MAP3K5: variants seen among roughly 807,000 people sequenced by gnomAD.
MAP3K5 encodes the protein mitogen-activated protein kinase kinase kinase 5.
A neutral mutation model predicts 158.7 loss-of-function variants in MAP3K5; 56 were observed. That is an observed-to-expected ratio of 0.35 (90% CI 0.28 to 0.44). The LOEUF (loss-of-function observed/expected upper bound fraction) is 0.44. Ranked by LOEUF, MAP3K5 falls within the 20% of genes least tolerant of loss-of-function variation. The pLI is 1.00. For synonymous variants in MAP3K5, 579 were observed against 601.7 expected, an observed-to-expected ratio of 0.96 and a Z score of 0.55; for missense variants, 1,294 against 1,674.8, an observed-to-expected ratio of 0.77 and a Z score of 3.97.
intron 23 of MAP3K5, among the ~76,000 whole-genome samples, chr6:136,589,262 G>A (rs1453772967): frequency 6.6e-6 from 1 of 152,142 alleles, no homozygotes; most frequent in African/African-American, 2.4e-5. Context: ...ATTTCCTCAG[G>A]ACACAGGGAG....
chr6:136,609,739 G>A lies in MAP3K5; in HGVS notation c.2521+1543C>T, dbSNP rs1221754927. ...AGCCCGGGGTAGGGGAGGTCACAGT[G>A]AGCAGAGATTACACCACTGTACTTC... is the stretch of plus-strand genomic sequence containing the variant. On this transcript the variant is annotated intron_variant, in intron 18 of 29. Coordinates refer to ENST00000359015, the MANE Select transcript of MAP3K5 (RefSeq NM_005923.4). The surrounding 1 kb of genome is among the most constrained non-coding windows in gnomAD (Gnocchi z 4.4). Among the ~76,000 whole-genome samples, 1 of 151,730 alleles carries A rather than the reference G, an allele frequency of 6.6e-6. No individual in the cohort carries two copies. The highest frequency in any genetic ancestry group is 1.5e-5 in the Non-Finnish European group (1 of 67,966).
intron 10 of MAP3K5, among the ~76,000 whole-genome samples, chr6:136,652,621 C>A (rs1778569435): frequency 6.6e-6 from 1 of 152,158 alleles, no homozygotes; most frequent in African/African-American, 2.4e-5. Flanking sequence ...TCTTCATTGA[C>A]AAGTGAGAAT....
At chr6:136,684,539 C>T (rs1311455297) in intron 7 of MAP3K5, among the ~76,000 whole-genome samples, 2 of 152,176 alleles carry the variant, frequency 1.3e-5, no homozygotes, top group Non-Finnish European at 2.9e-5. Context: ...TTGTCCCTAA[C>T]ACTTCCTTGG....
At chr6:136,596,670 T>C (rs1363505878) in intron 21 of MAP3K5, among the ~76,000 whole-genome samples, 1 of 152,116 alleles carries the variant, frequency 6.6e-6, no homozygotes, top group Non-Finnish European at 1.5e-5. Context: ...TGGCCTTCTG[T>C]AGGAAAATGG....
intron 1 of MAP3K5, among the ~76,000 whole-genome samples, chr6:136,737,570 C>T (rs1382274893): frequency 2.0e-5 from 3 of 152,208 alleles, no homozygotes; most frequent in East Asian, 1.9e-4. Context: ...AGCCCTTTGA[C>T]GGCTTCTTAT....
At chr6:136,689,508 T>C (rs563031589) in intron 7 of MAP3K5, among the ~76,000 whole-genome samples, 1 of 152,264 alleles carries the variant, frequency 6.6e-6, no homozygotes, top group African/African-American at 2.4e-5. Flanking sequence ...CCCAAAAGCA[T>C]GTATTGGAAG....
intron 7 of MAP3K5, among the ~76,000 whole-genome samples, chr6:136,674,387 AT>A (rs2114554735): frequency 6.6e-6 from 1 of 152,154 alleles, no homozygotes; most frequent in South Asian, 2.1e-4. Flanking sequence ...AAAATACAAA[AT>A]GTAAGGTAGA....
chr6:136,792,590 C>A (rs1345212635), upstream of MAP3K5: 1 of 165,060 alleles, frequency 6.1e-6, no homozygotes, highest in Non-Finnish European at 1.2e-5. This position sits in a 1 kb window ranked among gnomAD's most constrained non-coding sequence, Gnocchi z 5.7. Context: ...GTCCCGGCCG[C>A]TCTGGGAGGG....
chr6:136,743,278 G>A (rs369116260), intron 1 of MAP3K5, among the ~76,000 whole-genome samples: 1 of 151,998 alleles, frequency 6.6e-6, no homozygotes, highest in South Asian at 2.1e-4. Context: ...GTGAAACCCC[G>A]TGTCTACTAA....
At chr6:136,612,339 A>T (rs1776380820) in intron 17 of MAP3K5, among the ~76,000 whole-genome samples, 1 of 152,248 alleles carries the variant, frequency 6.6e-6, no homozygotes, top group African/African-American at 2.4e-5. Flanking sequence ...TGCTACTCAG[A>T]TCACAAGATC....
At chr6:136,601,196 G>A (rs1031384978) in intron 20 of MAP3K5, among the ~76,000 whole-genome samples, 154 bp from the exon 21 acceptor site, 3 of 150,820 alleles carry the variant, frequency 2.0e-5, no homozygotes, top group Non-Finnish European at 1.5e-5. Flanking sequence ...ATCAAAAAAC[G>A]CCAAGAACAA....
intron 1 of MAP3K5, among the ~76,000 whole-genome samples, chr6:136,753,128 T>C (rs1310108368): frequency 6.6e-6 from 1 of 152,256 alleles, no homozygotes; most frequent in African/African-American, 2.4e-5. Context: ...GCCTGTTTAT[T>C]GGGTGACATT....
At position 136,694,288 on chromosome 6, in the gene MAP3K5, C is replaced by G. The variant is rs750807682; in HGVS notation, c.1105G>C (p.Ala369Pro). Residue 369 changes from alanine (A) to proline (P), a missense_variant, in exon 7 of 30, where the codon GCA becomes CCA. Physicochemically the swap from Ala to Pro is conservative, Grantham distance 27 (BLOSUM62 -1). This residue lies in a region of MAP3K5 where 690 missense variants were observed against 870.5 expected (regional missense o/e 0.79). Transcript: ENST00000359015. ...GGAATCATAATATCAAGAGCTTTTG[C>G]TCTGTCACCAGGGAGATTTCTCCTA... ...LNRRNLPGDR[A>P]KALDIMIPMV... 2.5e-6 allele frequency: 4 copies of G among 1,611,970 alleles called. No individual in the cohort carries two copies. In the Admixed American group the frequency reaches 6.7e-5, roughly 27 times the overall value.
intron 3 of MAP3K5, among the ~76,000 whole-genome samples, chr6:136,701,104 G>A (rs545216636): frequency 1.8e-4 from 27 of 152,254 alleles, no homozygotes; most frequent in African/African-American, 6.0e-4. Context: ...TAGAGAGATC[G>A]TACAGTTGGT....
chr6:136,644,339 G>A (rs926032017), intron 11 of MAP3K5, among the ~76,000 whole-genome samples: 4 of 152,182 alleles, frequency 2.6e-5, no homozygotes, highest in Non-Finnish European at 4.4e-5. Context: ...ACAAGGAGGC[G>A]CTGATGAGCT....
chr6:136,670,577 T>C (rs1410322937), intron 7 of MAP3K5, among the ~76,000 whole-genome samples: 2 of 152,118 alleles, frequency 1.3e-5, no homozygotes, highest in African/African-American at 4.8e-5. Context: ...ACAGGAATAG[T>C]AAACATAGTG....
intron 15 of MAP3K5, among the ~76,000 whole-genome samples, chr6:136,621,526 A>C (rs947885386): frequency 6.6e-6 from 1 of 152,188 alleles, no homozygotes. Context: ...GCTGCAGTAA[A>C]TAGGCCTTTA....
chr6:136,567,830 C>G lies in MAP3K5; in HGVS notation c.3562G>C (p.Asp1188His), dbSNP rs1481023371. Reference protein sequence around the residue: ...FSLASESDTADQEDLDVEDDH... With the variant: ...FSLASESDTAHQEDLDVEDDH... ...TCTTCTACATCCAAGTCTTCTTGAT[C>G]AGCAGTATCACTCTCAGATGCAAGG... Residue 1188 changes from aspartate (D) to histidine (H), a missense_variant, in exon 26 of 30, where the codon GAT becomes CAT. Around this residue, in one of 5 missense-constraint regions of MAP3K5, gnomAD observed 199 missense variants for 220.3 expected, o/e 0.90. Transcript: ENST00000359015. 6.2e-7 allele frequency: 1 copy of G among 1,614,014 alleles called. No individual in the cohort carries two copies. The highest frequency in any genetic ancestry group is 1.7e-5 in the Admixed American group (1 of 60,002).
In MAP3K5 at chr6:136,613,076, C is replaced by A; in HGVS notation, c.2415+44G>T. 6.5e-7 allele frequency: 1 copy of A among 1,539,838 alleles called. No individual in the cohort carries two copies. The highest frequency in any genetic ancestry group is 1.3e-5 in the South Asian group (1 of 78,708). Reference sequence around the variant, plus strand: ...GACTTTTGCAAGTAAAATAATAACCCAGCAAAGAAAGAACTCATGAAAATG... The same window carrying A: ...GACTTTTGCAAGTAAAATAATAACCAAGCAAAGAAAGAACTCATGAAAATG... On this transcript the variant is annotated intron_variant, in intron 17 of 29. Transcript: ENST00000359015. The surrounding 1 kb of genome is among the most constrained non-coding windows in gnomAD (Gnocchi z 4.0).
Sources: gnomAD v4.1 joint callset for allele counts (sites outside exome capture counted in the v4.1 genomes callset) on GRCh38, gnomAD v4.1.1 for gene constraint, gnomAD v4.1.1 regional missense constraint, Gnocchi (gnomAD v3.1) non-coding constraint, MANE v1.5 for transcripts, NCBI Gene and HGNC (gene_info 2026-07-23, HGNC 2026-07-21) for gene names.